USP54: variants seen among roughly 807,000 people sequenced by gnomAD.
USP54 encodes ubiquitin carboxyl-terminal hydrolase 54.
A neutral mutation model predicts 170.5 loss-of-function variants in USP54; 87 were observed. The ratio of observed to expected loss-of-function variants is 0.51; its 90% confidence interval spans 0.43 to 0.61. The LOEUF (loss-of-function observed/expected upper bound fraction) is 0.61, where lower values mean the gene tolerates loss of function less well. Ranked by LOEUF, USP54 falls within the 20% of genes least tolerant of loss-of-function variation. The pLI is 0.00. For missense variants in USP54, 1,786 were observed against 2,047.8 expected (o/e 0.87, Z 2.47); for synonymous variants, 655 against 742.8 (o/e 0.88, Z 1.92).
chr10:73,621,113 G>A (rs895134406), intron 1 of USP54, among the ~76,000 whole-genome samples: 2 of 149,972 alleles, frequency 1.3e-5, no homozygotes, highest in Non-Finnish European at 2.9e-5. Context: ...CCAAGATTGT[G>A]CCACTGCACT....
At chr10:73,609,605 G>C (rs2079962945) in intron 1 of USP54, among the ~76,000 whole-genome samples, 1 of 152,008 alleles carries the variant, frequency 6.6e-6, no homozygotes, top group African/African-American at 2.4e-5. Context: ...CAGCACTTTG[G>C]GAGGCAGAGG....
intron 1 of USP54, among the ~76,000 whole-genome samples, chr10:73,607,043 C>T (rs1464156003): frequency 1.3e-5 from 2 of 151,928 alleles, no homozygotes; most frequent in Non-Finnish European, 2.9e-5. Context: ...GGCACAGAGG[C>T]TCATGCCTGT....
At chr10:73,542,484 G>T (rs1448532544) in intron 7 of USP54, among the ~76,000 whole-genome samples, 3 of 152,162 alleles carry the variant, frequency 2.0e-5, no homozygotes, top group African/African-American at 7.2e-5. Flanking sequence ...AGCACTTTGG[G>T]AGGCCAAGGC....
At chr10:73,522,309 C>G (rs544304493) in intron 17 of USP54, among the ~76,000 whole-genome samples, 1 of 152,188 alleles carries the variant, frequency 6.6e-6, no homozygotes, top group African/African-American at 2.4e-5. Flanking sequence ...AGAGGTAGGG[C>G]GTAGAGCCAT....
chr10:73,577,362 G>C (rs2076254882), intron 1 of USP54, among the ~76,000 whole-genome samples: 1 of 152,156 alleles, frequency 6.6e-6, no homozygotes, highest in Admixed American at 6.5e-5. Flanking sequence ...AATATTAAAT[G>C]GTTGCATAAG....
Position 73,616,665 on chromosome 10 carries a change from A to C in USP54, c.-18+8902T>G, listed in dbSNP as rs898389944. On this transcript the variant is annotated intron_variant, in intron 1 of 22. Coordinates refer to the USP54 transcript ENST00000339859. ...TTAAAATTAAATTAAATTCTAAAAA[A>C]AATACAAAAATTATCTGGGCGTGGT... is the stretch of plus-strand genomic sequence containing the variant. 1.1e-4 allele frequency among the ~76,000 whole-genome samples: 17 copies of C among 150,236 alleles called. 2 individuals are homozygous for C. The highest frequency in any genetic ancestry group is 4.0e-4 in the African/African-American group (16 of 39,612).
At position 73,543,081 on chromosome 10, in the gene USP54, C is replaced by T. The variant is rs1337533775; in HGVS notation, c.426G>A (p.Glu142=). 2.5e-6 allele frequency: 4 copies of T among 1,614,144 alleles called. No homozygotes were observed. Among genetic ancestry groups the T allele is most frequent in the Non-Finnish European group, 3.4e-6 (4 of 1,180,026 alleles). Residue 142 remains glutamate, a synonymous_variant, in exon 6 of 24, where the codon GAG becomes GAA. Transcript: ENST00000687698. ...TGCAGTGTTGGGCAGTACATATATC[C>T]TCTTTGGTTTCATCAGCAATGTGGA... ...IHFHIADETK[E]DICTAQHCIS...
chr10:73,625,445 T>C (rs892089766), intron 1 of USP54: 4 of 151,810 alleles, frequency 2.6e-5, no homozygotes, highest in Non-Finnish European at 5.9e-5. Flanking sequence ...CGGCGCGCGG[T>C]CCCCGACTAG....
At chr10:73,603,773 A>C (rs931670511) in intron 1 of USP54, among the ~76,000 whole-genome samples, 26 of 151,656 alleles carry the variant, frequency 1.7e-4, no homozygotes, top group African/African-American at 3.1e-4. Context: ...AAAAAAAAAA[A>C]CTACAAGTCA....
intron 20 of USP54, among the ~76,000 whole-genome samples, chr10:73,508,253 A>G (rs2059536489): frequency 6.6e-6 from 1 of 152,014 alleles, no homozygotes; most frequent in Admixed American, 6.6e-5. Flanking sequence ...TTAAAAATAC[A>G]GAAATCAGCT....
chr10:73,536,127 A>G (rs902590555), intron 11 of USP54, 142 bp downstream of exon 11: 2 of 1,190,086 alleles, frequency 1.7e-6, no homozygotes, highest in African/African-American at 1.5e-5. Context: ...GCTTCAGCAC[A>G]AATTGGCACT....
At chr10:73,602,763 G>T (rs569418670) in intron 1 of USP54, among the ~76,000 whole-genome samples, 1 of 149,516 alleles carries the variant, frequency 6.7e-6, no homozygotes, top group Admixed American at 6.7e-5. Context: ...GACTGAGACA[G>T]GAGAACTGCT....
In USP54 at chr10:73,541,383, G is replaced by A. The variant is rs1282851710; in HGVS notation, c.817C>T (p.Leu273=). 1 of 1,614,086 alleles carries A rather than the reference G, an allele frequency of 6.2e-7. No homozygotes were observed. The highest frequency in any genetic ancestry group is 8.5e-7 in the Non-Finnish European group (1 of 1,179,998). ...VIHSLGTCLK[L]GDLFFRVTDD... is the part of the protein sequence containing the mutation. ...AGGTAACTAACACGCACATCACCCA[G>A]CTTAAGGCAGGTTCCCAGGCTGTGG... Residue 273 remains leucine (L), a synonymous_variant, in exon 9 of 24, where the codon CTG becomes TTG. Transcript: ENST00000687698.
chr10:73,534,891 G>A, intron 11 of USP54, 121 bp from the exon 12 acceptor site: 1 of 877,812 alleles, frequency 1.1e-6, no homozygotes, highest in Non-Finnish European at 1.7e-6. Context: ...ACAAGTGTGA[G>A]AAGGATATGC....
chr10:73,518,666 C>CAATATTACAT (rs1442548922), intron 19 of USP54: 1 of 151,080 alleles, frequency 6.6e-6, no homozygotes, highest in Non-Finnish European at 1.5e-5. Context: ...TCATACAAGG[C>CAATATTACAT]AATATTACAT....
intron 22 of USP54, among the ~76,000 whole-genome samples, chr10:73,501,131 T>C (rs1401148408): frequency 6.6e-6 from 1 of 152,126 alleles, no homozygotes; most frequent in African/African-American, 2.4e-5. Context: ...AACAGTAGAA[T>C]TAGAGAGATT....
At chr10:73,604,230 A>G (rs1294748164) in intron 1 of USP54, among the ~76,000 whole-genome samples, 1 of 152,162 alleles carries the variant, frequency 6.6e-6, no homozygotes. Flanking sequence ...CCTGGGCGAC[A>G]GAGCGAGAGT....
chr10:73,524,018 C>T (rs2062418212), intron 16 of USP54, among the ~76,000 whole-genome samples: 1 of 150,898 alleles, frequency 6.6e-6, no homozygotes, highest in Non-Finnish European at 1.5e-5. Flanking sequence ...AGCGATTCTT[C>T]TGCCTCAGCT....
intron 1 of USP54, among the ~76,000 whole-genome samples, chr10:73,585,927 CTT>C (rs2077428587): frequency 6.6e-6 from 1 of 152,072 alleles, no homozygotes; most frequent in African/African-American, 2.4e-5. Flanking sequence ...GCAGGAGAAT[CTT>C]GAACCCGGGA....
Sources: allele counts gnomAD v4.1 joint callset (sites outside exome capture counted in the v4.1 genomes callset), GRCh38; gene constraint gnomAD v4.1.1; transcripts MANE v1.5; gene names NCBI Gene and HGNC (gene_info 2026-07-23, HGNC 2026-07-21).